Variants in SLC38A1 observed in about 807,000 individuals in gnomAD.
The protein encoded by SLC38A1 is sodium-coupled neutral amino acid symporter 1.
SLC38A1 carries 18 observed loss-of-function variants against 60.3 expected under a neutral mutation model. The ratio of observed to expected loss-of-function variants is 0.30; its 90% CI spans 0.21 to 0.44. SLC38A1 has a LOEUF of 0.44. SLC38A1 is among the 20% of genes least tolerant of loss of function. The pLI, the probability that SLC38A1 is intolerant of heterozygous loss-of-function variation, is 1.00. For synonymous variants in SLC38A1, 196 were observed against 212.1 expected, an observed-to-expected ratio of 0.92 and a Z score of 0.66; for missense variants, 448 against 587.2, an observed-to-expected ratio of 0.76 and a Z score of 2.45.
rs141873549 is a variant in SLC38A1 at position 46,212,936 on chromosome 12, T to C, written c.315-3809A>G. Among the ~76,000 whole-genome samples, 16 of 152,352 alleles carry C rather than the reference T, an allele frequency of 1.1e-4. No homozygotes were observed. In the East Asian group the frequency reaches 2.9e-3, roughly 28 times the overall value. On this transcript the variant is annotated intron_variant, in intron 5 of 16. Transcript: ENST00000398637. ...ATTTTACCTTCTGGACCTATTTGTA[T>C]CTACTTGAAATCTAACACCTCTCCT...
chr12:46,198,616 C>T lies in SLC38A1; in HGVS notation c.1122+9G>A, dbSNP rs572118406. The stretch of plus-strand genomic sequence containing the variant: ...GCTTTTCTCATATTGCACAGAGGCC[C>T]TTACTCACCGTGAAAAATAACACCG... On this transcript the variant is annotated intron_variant, in intron 14 of 16. Transcript: ENST00000398637. 4.9e-5 allele frequency: 77 copies of T among 1,587,168 alleles called. No homozygotes were observed. In the South Asian group the frequency reaches 8.3e-4, roughly 17 times the overall value.
chr12:46,198,015 A>G lies in SLC38A1; in HGVS notation c.1168T>C (p.Leu390=). 1 of 1,614,044 alleles carries G rather than the reference A, an allele frequency of 6.2e-7. No homozygotes were observed. Among genetic ancestry groups the G allele is most frequent in the Non-Finnish European group, 8.5e-7 (1 of 1,179,970 alleles). Residue 390 remains leucine (L), a synonymous_variant, in exon 15 of 17, where the codon TTA becomes CTA. Coordinates refer to ENST00000398637, the MANE Select transcript of SLC38A1 (RefSeq NM_030674.4). ...CAGGTAACCACGGTATGACGACATA[A>G]ATTAAACTTTGTTTTCTTAGCCAGT... ...FELAKKTKFN[L]CRHTVVTCIL...
chr12:46,196,150 A>G lies in SLC38A1; in HGVS notation c.1362+1570T>C. The G allele has an allele frequency of 2.0e-6, 3 of 1,536,016 alleles. No individual in the cohort carries two copies. In the South Asian group the frequency reaches 3.6e-5, roughly 18 times the overall value. ...GACTAATACAGATTACTAAATCCAG[A>G]ATCCAGAGAACACAAGATTATAAGT... On this transcript the variant is annotated intron_variant, in intron 16 of 16. Transcript: ENST00000398637.
intron 5 of SLC38A1, among the ~76,000 whole-genome samples, chr12:46,210,581 G>A (rs575533668): frequency 1.3e-5 from 2 of 152,168 alleles, no homozygotes; most frequent in Non-Finnish European, 2.9e-5. Context: ...ACCTTGAATT[G>A]TAACTCCCAT....
intron 5 of SLC38A1, among the ~76,000 whole-genome samples, chr12:46,211,077 G>T (rs1214825906): frequency 6.6e-6 from 1 of 152,172 alleles, no homozygotes; most frequent in African/African-American, 2.4e-5. Flanking sequence ...TTCCCGTCAA[G>T]TAAGATAAGC....
chr12:46,235,606 T>C (rs1592127691), intron 3 of SLC38A1, among the ~76,000 whole-genome samples: 1 of 152,028 alleles, frequency 6.6e-6, no homozygotes, highest in East Asian at 1.9e-4. Context: ...GACATGAAAA[T>C]TGAATACAGA....
chr12:46,223,720 G>A (rs950371522), intron 5 of SLC38A1, among the ~76,000 whole-genome samples: 1 of 152,170 alleles, frequency 6.6e-6, no homozygotes, highest in African/African-American at 2.4e-5. Context: ...ACATTTCAAA[G>A]AGATTGTTCA....
In SLC38A1 at chr12:46,203,801, T is replaced by G. The variant is rs539272498; in HGVS notation, c.822+500A>C. On this transcript the variant is annotated intron_variant, in intron 11 of 16. Coordinates refer to ENST00000398637, the MANE Select transcript of SLC38A1 (RefSeq NM_030674.4). ...TGTAAGATACAGAATAGAATACTTA[T>G]TTTTACTCAAGGGGTTGGGTGACTT... Among the ~76,000 whole-genome samples the G allele has an allele frequency of 1.2e-4, 19 of 152,334 alleles. No individual in the cohort carries two copies. In the South Asian group the frequency reaches 3.1e-3, roughly 25 times the overall value.
intron 5 of SLC38A1, among the ~76,000 whole-genome samples, chr12:46,225,196 A>G (rs1940815207): frequency 1.3e-5 from 2 of 152,326 alleles, no homozygotes; most frequent in African/African-American, 2.4e-5. Flanking sequence ...ACCTCAGAGA[A>G]TCTCTAAAAG....
Position 46,239,888 on chromosome 12 carries a change from A to T in SLC38A1, c.-88T>A. On this transcript the variant is annotated 5_prime_UTR_variant, in exon 3 of 17. Transcript: ENST00000398637. The stretch of plus-strand genomic sequence containing the variant: ...AAGTAGATACCAAAATGGAAGCTTG[A>T]CACCCCTAAAATATAGCAAAATAAA... 2 of 1,305,394 alleles carry T rather than the reference A, an allele frequency of 1.5e-6. No individual in the cohort carries two copies. Among genetic ancestry groups the T allele is most frequent in the South Asian group, 2.5e-5 (2 of 80,724 alleles). The allele number at this position is 1,305,394 out of a possible 1,614,324, so 80.9% of individuals were successfully genotyped here. A position where few individuals can be genotyped will look rare whatever the true frequency, so the allele number is the denominator to read the frequency against.
At chr12:46,200,888 A>T (rs1313105043) in intron 13 of SLC38A1, among the ~76,000 whole-genome samples, 2 of 152,216 alleles carry the variant, frequency 1.3e-5, no homozygotes, top group Non-Finnish European at 2.9e-5. Context: ...GGAGAAAAAA[A>T]TTATAAATAT....
rs1309189247 is a variant in SLC38A1, at chr12:46,184,699, A to C, written c.*4271T>G. ...TTAAAAGGAGGACAGGATTATCACC[A>C]CACGATTAACACAAACACTGGAGAA... is the stretch of plus-strand genomic sequence containing the variant. On this transcript the variant is annotated 3_prime_UTR_variant, in exon 17 of 17. Coordinates refer to ENST00000398637, the MANE Select transcript of SLC38A1 (RefSeq NM_030674.4). 1.3e-5 allele frequency: 2 copies of C among 152,188 alleles called. No individual in the cohort carries two copies. Among genetic ancestry groups the C allele is most frequent in the Non-Finnish European group, 2.9e-5 (2 of 68,030 alleles). 9.4% of individuals were successfully genotyped at this position (152,188 alleles called of 1,614,324 possible). A position where few individuals can be genotyped will look rare whatever the true frequency, so the allele number is the denominator to read the frequency against.
At chr12:46,220,586 AGAG>A (rs1297260985) in intron 5 of SLC38A1, among the ~76,000 whole-genome samples, 2 of 152,240 alleles carry the variant, frequency 1.3e-5, no homozygotes, top group African/African-American at 4.8e-5. Context: ...AGGAATGCAC[AGAG>A]GAGATGACTT....
chr12:46,253,258 A>T (rs1213352333), intron 1 of SLC38A1, among the ~76,000 whole-genome samples: 1 of 152,208 alleles, frequency 6.6e-6, no homozygotes, highest in Non-Finnish European at 1.5e-5. Flanking sequence ...CTTGGATCTC[A>T]GGAAAGAAAG....
intron 1 of SLC38A1, among the ~76,000 whole-genome samples, chr12:46,253,049 T>C (rs895499211): frequency 2.6e-5 from 4 of 151,376 alleles, no homozygotes; most frequent in Admixed American, 2.6e-4. Flanking sequence ...AAACAGTTGT[T>C]ATAAAGAGTT....
At chr12:46,229,051 A>T in intron 5 of SLC38A1, 102 bp downstream of exon 5, 1 of 665,460 alleles carries the variant, frequency 1.5e-6, no homozygotes, top group Non-Finnish European at 2.5e-6. Flanking sequence ...CCAAGTTAAT[A>T]AAAAAACTAT....
chr12:46,209,164 G>C, intron 5 of SLC38A1, 37 bp from the exon 6 acceptor site: 1 of 1,371,344 alleles, frequency 7.3e-7, no homozygotes, highest in Admixed American at 1.7e-5. Context: ...GTAATATCTA[G>C]AAAAGAATAT....
At chr12:46,189,124 A>T in intron 16 of SLC38A1, 53 bp from the exon 17 acceptor site, 1 of 1,420,226 alleles carries the variant, frequency 7.0e-7, no homozygotes, top group East Asian at 2.3e-5. Flanking sequence ...ATTTTTCCAC[A>T]TGTACCTGGG....
intron 5 of SLC38A1, among the ~76,000 whole-genome samples, chr12:46,209,945 A>G (rs1592088817): frequency 6.6e-6 from 1 of 152,220 alleles, no homozygotes; most frequent in Non-Finnish European, 1.5e-5. Flanking sequence ...AAGAAGAAAA[A>G]AAATCCAGTC....
Sources: gnomAD v4.1 joint callset for allele counts (sites outside exome capture counted in the v4.1 genomes callset) on GRCh38, gnomAD v4.1.1 for gene constraint, MANE v1.5 for transcripts, NCBI Gene and HGNC (gene_info 2026-07-23, HGNC 2026-07-21) for gene names.